The following ZNF516 variants were observed in gnomAD, a reference collection of about 807,000 sequenced individuals.
ZNF516 encodes zinc finger protein 516.
In ZNF516, 19 loss-of-function variants were observed where a neutral mutation model predicts 79.7. The ratio of observed to expected loss-of-function variants is 0.24; its 90% CI spans 0.17 to 0.35. The LOEUF is 0.35. ZNF516 is among the 10% of genes least tolerant of loss of function. ZNF516 has a pLI of 1.00. For synonymous variants in ZNF516, 877 were observed against 739.5 expected, an observed-to-expected ratio of 1.19 and a Z score of -3.02; for missense variants, 1,678 against 1,679.5, an observed-to-expected ratio of 1.00 and a Z score of 0.02.
chr18:76,372,434 CA>C (rs141377587), intron 4 of ZNF516, among the ~76,000 whole-genome samples: 1 of 151,450 alleles, frequency 6.6e-6, no homozygotes, highest in African/African-American at 2.4e-5. Flanking sequence ...GTAGGAAAAA[CA>C]AAAAAAACAG....
intron 3 of ZNF516, among the ~76,000 whole-genome samples, chr18:76,439,734 TTAAGAA>T (rs1203103559): frequency 6.6e-6 from 1 of 151,950 alleles, no homozygotes; most frequent in South Asian, 2.1e-4. Context: ...TTTCCAAATA[TTAAGAA>T]TATTTCTCTT....
At chr18:76,371,199 G>T (rs577749325) in intron 5 of ZNF516, among the ~76,000 whole-genome samples, 1 of 152,214 alleles carries the variant, frequency 6.6e-6, no homozygotes, top group Non-Finnish European at 1.5e-5. Context: ...CATTTCTGAG[G>T]AGTCAGTTAC....
intron 3 of ZNF516, among the ~76,000 whole-genome samples, chr18:76,420,419 C>T (rs1568276437): frequency 1.3e-5 from 2 of 152,088 alleles, no homozygotes; most frequent in South Asian, 4.1e-4. Flanking sequence ...ACACTGAATT[C>T]CAGGGAGGTC....
intron 3 of ZNF516, among the ~76,000 whole-genome samples, chr18:76,384,315 A>G (rs563652683): frequency 2.2e-5 from 1 of 45,114 alleles, no homozygotes; most frequent in African/African-American, 8.7e-5. Flanking sequence ...CAGCCCCCAT[A>G]CCCCCTCCAC....
chr18:76,385,042 G>A (rs1030778373), intron 3 of ZNF516, among the ~76,000 whole-genome samples: 10 of 152,226 alleles, frequency 6.6e-5, no homozygotes, highest in African/African-American at 2.2e-4. Context: ...CCGGGTGCAC[G>A]GAAGCACGTG....
rs1275059512 is a variant in ZNF516, at chr18:76,454,570, T to C, written c.-158+8458A>G. On this transcript the variant is annotated intron_variant, in intron 2 of 6. Transcript: ENST00000443185. ...ACATACACAGCACCTTTGAAAGCAG[T>C]TGGCTATTTCAGCTGCTTAAGGAGA... is the stretch of plus-strand genomic sequence containing the variant. Among the ~76,000 whole-genome samples the C allele has an allele frequency of 2.0e-5, 3 of 152,352 alleles. No homozygotes were observed. The East Asian group carries it at 5.8e-4, about 29-fold the overall frequency.
chr18:76,384,109 C>T (rs1366323123), intron 3 of ZNF516, among the ~76,000 whole-genome samples: 1 of 152,172 alleles, frequency 6.6e-6, no homozygotes, highest in East Asian at 1.9e-4. Context: ...TTCATTTATC[C>T]CTTTTCTACA....
At chr18:76,484,433 T>C (rs1914711057) in intron 1 of ZNF516, among the ~76,000 whole-genome samples, 3 of 152,206 alleles carry the variant, frequency 2.0e-5, no homozygotes, top group Admixed American at 6.5e-5. Context: ...TCCTTCACGG[T>C]CATTACACCA....
chr18:76,395,229 G>A (rs1420611798), intron 3 of ZNF516, among the ~76,000 whole-genome samples: 2 of 152,186 alleles, frequency 1.3e-5, no homozygotes, highest in African/African-American at 2.4e-5. Flanking sequence ...GCTGCCGCAG[G>A]GCCTCTGCGC....
intron 3 of ZNF516, among the ~76,000 whole-genome samples, chr18:76,404,790 CAT>C (rs770608234): frequency 1.4e-4 from 21 of 151,394 alleles, no homozygotes; most frequent in East Asian, 2.0e-4. Flanking sequence ...CATGTGTGAG[CAT>C]ATGTGTGCAT....
rs547051837 is a variant in ZNF516 at position 76,360,820 on chromosome 18, A to C, written c.*1678T>G. On this transcript the variant is annotated 3_prime_UTR_variant, in exon 7 of 7. Transcript: ENST00000443185. ...AATAATAATAATAATAATAATAATA[A>C]TATAATAATATTCAACAAATCATTA... 982 of 143,562 alleles carry C rather than the reference A, an allele frequency of 6.8e-3. 10 individuals carry two copies. The highest frequency in any genetic ancestry group is 0.025 in the African/African-American group (920 of 36,682). The allele number at this position is 143,562 out of a possible 1,614,324, so 8.9% of individuals were successfully genotyped here.
intron 4 of ZNF516, among the ~76,000 whole-genome samples, chr18:76,373,721 A>T (rs2074744269): frequency 6.6e-6 from 1 of 152,246 alleles, no homozygotes. Context: ...ACGCGTGCAC[A>T]CACACACACG....
chr18:76,363,023 G>C (rs1487167672), intron 6 of ZNF516, among the ~76,000 whole-genome samples: 1 of 152,184 alleles, frequency 6.6e-6, no homozygotes, highest in African/African-American at 2.4e-5. Flanking sequence ...AGAAGAGCAC[G>C]GCTCTCACGT....
Position 76,431,821 on chromosome 18 carries a change from G to A in ZNF516, c.1810+9424C>T, listed in dbSNP as rs533802728. 3.3e-4 allele frequency among the ~76,000 whole-genome samples: 51 copies of A among 152,276 alleles called. No individual in the cohort carries two copies. The South Asian group carries it at 9.7e-3, about 29-fold the overall frequency. ...TGCTCCCTATACAGTCTGCAGAACC[G>A]TGGGCCAAAATCAATCTCTTTTCTT... is the stretch of plus-strand genomic sequence containing the variant. On this transcript the variant is annotated intron_variant, in intron 3 of 6. Transcript: ENST00000443185.
Position 76,379,220 on chromosome 18 carries a change from G to A in ZNF516, c.2894C>T (p.Thr965Ile). Residue 965 changes from threonine (T) to isoleucine (I), a missense_variant, in exon 4 of 7, where the codon ACA (threonine) becomes ATA (isoleucine). This residue lies in a region of ZNF516 where 1,294 missense variants were observed against 1,248.3 expected (regional missense o/e 1.04). Coordinates refer to ENST00000443185, the MANE Select transcript of ZNF516 (RefSeq NM_014643.4). ...VPPAGAGFAP[T>I]NKHSAPDSLK... is the part of the protein sequence containing the mutation. ...GGAGTCCGGGGCACTGTGCTTATTTGTGGGGGCAAAGCCAGCCCCCGCTGG... is the reference window on the plus strand; with the variant it reads ...GGAGTCCGGGGCACTGTGCTTATTTATGGGGGCAAAGCCAGCCCCCGCTGG... 6.2e-7 allele frequency: 1 copy of A among 1,612,846 alleles called. No individual in the cohort carries two copies. Among genetic ancestry groups the A allele is most frequent in the East Asian group, 2.2e-5 (1 of 44,860 alleles).
rs1337567747 is a variant in ZNF516 at position 76,479,991 on chromosome 18, AAC to A, written c.-272+15151_-272+15152del. Among the ~76,000 whole-genome samples the A allele has an allele frequency of 8.5e-5, 13 of 152,318 alleles. No homozygotes were observed. The East Asian group carries it at 2.5e-3, about 29-fold the overall frequency. Reference sequence around the variant, plus strand: ...TTGAAAACAAATAGCAGAAATCAGAAACAGAGGAACCTGCCTGGAGATTTCTA... The same window carrying A: ...TTGAAAACAAATAGCAGAAATCAGAAAGAGGAACCTGCCTGGAGATTTCTA... On this transcript the variant is annotated intron_variant, in intron 1 of 6. Coordinates refer to ENST00000443185, the MANE Select transcript of ZNF516 (RefSeq NM_014643.4).
In ZNF516 at chr18:76,378,898, G is replaced by T. The variant is rs1251864514; in HGVS notation, c.3216C>A (p.Leu1072=). 1 of 1,613,762 alleles carries T rather than the reference G, an allele frequency of 6.2e-7. No homozygotes were observed. The highest frequency in any genetic ancestry group is 2.2e-5 in the East Asian group (1 of 44,880). Reference sequence around the variant, plus strand: ...GGCCGCTGACACCCCATCCCTGGTAGAGGGTCGCAAAGTCCTTTGGAATGT... The same window carrying T: ...GGCCGCTGACACCCCATCCCTGGTATAGGGTCGCAAAGTCCTTTGGAATGT... The part of the protein sequence containing the change: ...KTYIPKDFAT[L]YQGWGVSGPG... Residue 1072 remains leucine (L), a synonymous_variant, in exon 4 of 7, where the codon CTC becomes CTA. Coordinates refer to ENST00000443185, the MANE Select transcript of ZNF516 (RefSeq NM_014643.4).
upstream of ZNF516, chr18:76,495,756 T>G: frequency 8.6e-7 from 1 of 1,160,336 alleles, no homozygotes; most frequent in Non-Finnish European, 1.1e-6. Flanking sequence ...CCATCTGGAC[T>G]GAAATGGGGA....
chr18:76,489,114 T>C (rs1021682155), intron 1 of ZNF516, among the ~76,000 whole-genome samples: 1 of 152,222 alleles, frequency 6.6e-6, no homozygotes, highest in Non-Finnish European at 1.5e-5. Context: ...CAGTCTCCAG[T>C]CAGACTTACA....
Sources: gnomAD v4.1 joint callset for allele counts (sites outside exome capture counted in the v4.1 genomes callset) on GRCh38, gnomAD v4.1.1 for gene constraint, gnomAD v4.1.1 regional missense constraint, MANE v1.5 for transcripts, NCBI Gene and HGNC (gene_info 2026-07-23, HGNC 2026-07-21) for gene names.